DHX15: variants seen among roughly 807,000 people sequenced by gnomAD.
DHX15 encodes the protein ATP-dependent RNA helicase DHX15.
In DHX15, 11 loss-of-function variants were observed where a neutral mutation model predicts 94.4. That is an observed-to-expected ratio of 0.12 (90% CI 0.07 to 0.19). DHX15 has a LOEUF of 0.19. Ranked by LOEUF, DHX15 falls within the 10% of genes least tolerant of loss-of-function variation. The probability of loss-of-function intolerance (pLI) is 1.00; values close to 1 mark genes in which losing one functional copy is unlikely to be tolerated. For synonymous variants in DHX15, 338 were observed against 329.9 expected (o/e 1.02, Z -0.27); for missense variants, 304 against 988.5 (o/e 0.31, Z 9.29).
intron 3 of DHX15, among the ~76,000 whole-genome samples, chr4:24,564,852 A>G (rs1167416881): frequency 6.6e-6 from 1 of 152,230 alleles, no homozygotes. Flanking sequence ...CAGTGTTTCA[A>G]TGTTCAATAC....
intron 6 of DHX15, among the ~76,000 whole-genome samples, chr4:24,547,922 T>C (rs1390288729): frequency 1.9e-5 from 1 of 53,250 alleles, no homozygotes; most frequent in African/African-American, 8.6e-5. Context: ...TATATATATA[T>C]ATATATATAT....
In DHX15 at chr4:24,576,104, T is replaced by A. The variant is rs1176007908; in HGVS notation, c.507+139A>T. The A allele has an allele frequency of 1.4e-5, 9 of 666,100 alleles. No individual in the cohort carries two copies. In the East Asian group the frequency reaches 2.5e-4, roughly 18 times the overall value. The allele number at this position is 666,100 out of a possible 1,614,324, so 41.3% of individuals were successfully genotyped here. On this transcript the variant is annotated intron_variant, in intron 2 of 13. Transcript: ENST00000336812. The stretch of plus-strand genomic sequence containing the variant: ...AGGATTTCCACTCTGAAATTCAGAG[T>A]GCCAATTAAACATCAAATCAGCTAT...
At chr4:24,535,143 A>G (rs1304479911) in intron 11 of DHX15, among the ~76,000 whole-genome samples, 2 of 152,186 alleles carry the variant, frequency 1.3e-5, no homozygotes, top group African/African-American at 2.4e-5. Context: ...CCTCTCACTA[A>G]TAATGCATTT....
intron 6 of DHX15, among the ~76,000 whole-genome samples, 162 bp downstream of exon 6, chr4:24,548,692 CT>C (rs1400088497): frequency 2.6e-5 from 4 of 152,214 alleles, no homozygotes; most frequent in African/African-American, 9.7e-5. Flanking sequence ...CTCATTCTTA[CT>C]TTAGGGTCAA....
At chr4:24,575,561 C>T (rs1722238794) in intron 2 of DHX15, among the ~76,000 whole-genome samples, 2 of 152,128 alleles carry the variant, frequency 1.3e-5, no homozygotes, top group Non-Finnish European at 2.9e-5. Flanking sequence ...CCTACATGCT[C>T]ATGGAAAGGT....
chr4:24,561,270 G>A (rs1195323073), intron 3 of DHX15, among the ~76,000 whole-genome samples: 3 of 152,146 alleles, frequency 2.0e-5, no homozygotes, highest in African/African-American at 7.2e-5. Flanking sequence ...AAACCACAAT[G>A]AGATACCATC....
At chr4:24,555,109 TAA>T (rs975079373) in intron 4 of DHX15, among the ~76,000 whole-genome samples, 166 bp from the exon 5 acceptor site, 64 of 152,202 alleles carry the variant, frequency 4.2e-4, no homozygotes, top group African/African-American at 1.5e-3. Context: ...TGAACTATAG[TAA>T]AAGTTATTTA....
Position 24,576,300 on chromosome 4 carries a change from C to T in DHX15, c.450G>A (p.Leu150=). Residue 150 remains leucine (L), a synonymous_variant, in exon 2 of 14, where the codon CTG becomes CTA. Transcript: ENST00000336812. ...WEYKDRFTDI[L]VRHQSFVLVG... is the part of the protein sequence containing the mutation. ...CCAGTACAAAGGACTGATGTCTAAC[C>T]AGAATATCTGTAAACCTATCCTTGT... 6.2e-7 allele frequency: 1 copy of T among 1,614,188 alleles called. No homozygotes were observed. The highest frequency in any genetic ancestry group is 8.5e-7 in the Non-Finnish European group (1 of 1,180,028).
At chr4:24,548,388 C>T (rs1487421479) in intron 6 of DHX15, among the ~76,000 whole-genome samples, 1 of 152,064 alleles carries the variant, frequency 6.6e-6, no homozygotes, top group East Asian at 1.9e-4. Flanking sequence ...CGTGATCCAC[C>T]CACTTCGGCC....
At chr4:24,574,041 C>CAAA (rs10567935) in intron 2 of DHX15, among the ~76,000 whole-genome samples, 7 of 127,766 alleles carry the variant, frequency 5.5e-5, no homozygotes, top group African/African-American at 1.8e-4. Context: ...ATTAAAAATA[C>CAAA]AAAAAAAAAA....
chr4:24,556,453 A>C, intron 3 of DHX15, 43 bp from the exon 4 acceptor site: 1 of 1,499,656 alleles, frequency 6.7e-7, no homozygotes, highest in Non-Finnish European at 9.0e-7. Context: ...CCGTTAGGTC[A>C]TTTTAAAACC....
At chr4:24,583,839 G>A (rs1722537770) in intron 1 of DHX15, among the ~76,000 whole-genome samples, 1 of 151,554 alleles carries the variant, frequency 6.6e-6, no homozygotes, top group Admixed American at 6.6e-5. Flanking sequence ...TCCGCCCTCC[G>A]CCTTTCCCGT....
At chr4:24,572,415 C>T (rs947748862) in intron 2 of DHX15, among the ~76,000 whole-genome samples, 1 of 152,262 alleles carries the variant, frequency 6.6e-6, no homozygotes, top group Admixed American at 6.5e-5. Flanking sequence ...GGATTATAGG[C>T]GTGAGCCACC....
rs368518686 is a variant in DHX15, at chr4:24,573,889, T to G, written c.507+2354A>C. Among the ~76,000 whole-genome samples the G allele has an allele frequency of 2.8e-3, 422 of 152,104 alleles. 3 individuals are homozygous for G. Among genetic ancestry groups the G allele is most frequent in the Non-Finnish European group, 2.6e-3 (177 of 67,990 alleles). On this transcript the variant is annotated intron_variant, in intron 2 of 13. Coordinates refer to ENST00000336812, the MANE Select transcript of DHX15 (RefSeq NM_001358.3). The stretch of plus-strand genomic sequence containing the variant: ...GCAGCAATGTGAAATGTCTTTATTG[T>G]AGGTCTGTCAAAAGCTAAAGTCATG...
chr4:24,576,888 A>T (rs775105807), intron 1 of DHX15, among the ~76,000 whole-genome samples: 2 of 152,108 alleles, frequency 1.3e-5, no homozygotes, highest in Non-Finnish European at 2.9e-5. Flanking sequence ...CTGATGCCCC[A>T]CCTTCCTTAA....
chr4:24,557,532 C>T lies in DHX15; in HGVS notation c.702-1122G>A, dbSNP rs551942418. Among the ~76,000 whole-genome samples, 5 of 152,204 alleles carry T rather than the reference C, an allele frequency of 3.3e-5. No individual in the cohort carries two copies. In the East Asian group the frequency reaches 7.7e-4, roughly 23 times the overall value. On this transcript the variant is annotated intron_variant, in intron 3 of 13. Coordinates refer to ENST00000336812, the MANE Select transcript of DHX15 (RefSeq NM_001358.3). ...TGTACAACAAAAAGAAGTGAATTCT[C>T]TTTATTTCACCTAAACTTAATTCTA...
At chr4:24,579,815 G>A (rs771444104) in intron 1 of DHX15, among the ~76,000 whole-genome samples, 48 of 152,258 alleles carry the variant, frequency 3.2e-4, no homozygotes, top group Middle Eastern at 6.8e-3. Context: ...CACCAGGCTG[G>A]AGTGCAGTGG....
chr4:24,575,226 TG>T (rs1722230325), intron 2 of DHX15, among the ~76,000 whole-genome samples: 1 of 152,092 alleles, frequency 6.6e-6, no homozygotes, highest in Non-Finnish European at 1.5e-5. Context: ...CTTCCTATTT[TG>T]GTTGCTACAG....
At chr4:24,528,076 A>G in intron 13 of DHX15, 35 bp from the exon 14 acceptor site, 1 of 1,470,236 alleles carries the variant, frequency 6.8e-7, no homozygotes, top group South Asian at 1.1e-5. Context: ...TTCCAAATTA[A>G]CATTTAATTG....
Sources: gnomAD v4.1 joint callset for allele counts (sites outside exome capture counted in the v4.1 genomes callset) on GRCh38, gnomAD v4.1.1 for gene constraint, MANE v1.5 for transcripts, NCBI Gene and HGNC (gene_info 2026-07-23, HGNC 2026-07-21) for gene names.